The following KLHL1 variants were observed in gnomAD, a reference collection of about 807,000 sequenced individuals.
KLHL1 encodes the protein kelch like family member 1.
A neutral mutation model predicts 77.7 loss-of-function variants in KLHL1; 47 were observed. That is an observed-to-expected ratio of 0.60 (90% CI 0.48 to 0.77). The LOEUF is 0.77. Among genes scored for constraint, KLHL1 ranks in the 30% least tolerant of loss-of-function variants. KLHL1 has a pLI of 0.00. For missense variants in KLHL1, 925 were observed against 910.8 expected, an observed-to-expected ratio of 1.02 and a Z score of -0.20; for synonymous variants, 360 against 325.2, an observed-to-expected ratio of 1.11 and a Z score of -1.15.
intron 1 of KLHL1, among the ~76,000 whole-genome samples, chr13:70,007,403 C>G (rs1430180974): frequency 1.3e-5 from 2 of 151,480 alleles, no homozygotes; most frequent in African/African-American, 4.8e-5. Flanking sequence ...TTATTATGTG[C>G]CACTGCACTC....
chr13:70,047,178 T>C (rs1191530494), intron 1 of KLHL1, among the ~76,000 whole-genome samples: 1 of 151,776 alleles, frequency 6.6e-6, no homozygotes, highest in African/African-American at 2.4e-5. Flanking sequence ...TTGAATCTTT[T>C]CATAAAAACA....
chr13:70,010,827 G>A (rs1015269591), intron 1 of KLHL1, among the ~76,000 whole-genome samples: 11 of 151,796 alleles, frequency 7.2e-5, no homozygotes, highest in African/African-American at 2.4e-4. Context: ...AAGAGGCAGA[G>A]GTTGCAGTGA....
intron 1 of KLHL1, among the ~76,000 whole-genome samples, chr13:70,065,825 A>C (rs907371841): frequency 3.3e-5 from 5 of 152,084 alleles, no homozygotes; most frequent in African/African-American, 1.2e-4. Flanking sequence ...GGATTAGCAG[A>C]TGGTAGTCAG....
intron 8 of KLHL1, among the ~76,000 whole-genome samples, chr13:69,723,639 ACATACCT>A: frequency 6.6e-6 from 1 of 152,178 alleles, no homozygotes; most frequent in Non-Finnish European, 1.5e-5. Context: ...AGGAGGTTGG[ACATACCT>A]CATTAAACCC....
chr13:70,075,595 A>G (rs1887247346), intron 1 of KLHL1, among the ~76,000 whole-genome samples: 1 of 122,722 alleles, frequency 8.1e-6, no homozygotes, highest in African/African-American at 3.0e-5. Context: ...ATATACACAC[A>G]CACACATATA....
intron 1 of KLHL1, among the ~76,000 whole-genome samples, chr13:70,013,838 C>T (rs904667760): frequency 6.6e-6 from 1 of 152,192 alleles, no homozygotes; most frequent in East Asian, 1.9e-4. Flanking sequence ...TGAGCTTTTA[C>T]ATGTAGTAAA....
chr13:69,794,589 G>C (rs2138034407), intron 7 of KLHL1, among the ~76,000 whole-genome samples: 1 of 151,654 alleles, frequency 6.6e-6, no homozygotes, highest in East Asian at 1.9e-4. Flanking sequence ...GGGGGAAGGA[G>C]AGAGAAGGAA....
intron 4 of KLHL1, among the ~76,000 whole-genome samples, chr13:69,908,007 G>A (rs1882097582): frequency 6.6e-6 from 1 of 151,986 alleles, no homozygotes; most frequent in African/African-American, 2.4e-5. Flanking sequence ...AATTTCAGGA[G>A]GTGGGATGAA....
rs956785247 is a variant in KLHL1 at position 69,835,704 on chromosome 13, A to G, written c.1414+3272T>C. Among the ~76,000 whole-genome samples the G allele has an allele frequency of 6.4e-4, 98 of 152,240 alleles. 1 individual carries two copies. Among genetic ancestry groups the G allele is most frequent in the Non-Finnish European group, 6.3e-4 (43 of 68,012 alleles). On this transcript the variant is annotated intron_variant, in intron 6 of 10. Coordinates refer to ENST00000377844, the MANE Select transcript of KLHL1 (RefSeq NM_020866.3). ...ATATTACCTGACACAGAAGGAATCA[A>G]ACTTCTGTTGTCAGAAACAACAAAC...
intron 6 of KLHL1, among the ~76,000 whole-genome samples, chr13:69,814,976 A>G (rs1158148464): frequency 6.6e-6 from 1 of 152,134 alleles, no homozygotes; most frequent in Admixed American, 6.6e-5. Context: ...GCACCACTGC[A>G]CTCCAGCCTG....
At chr13:69,774,852 A>G (rs1426829027) in intron 7 of KLHL1, among the ~76,000 whole-genome samples, 3 of 152,192 alleles carry the variant, frequency 2.0e-5, no homozygotes, top group Non-Finnish European at 2.9e-5. Context: ...TAAAGCTGCT[A>G]CTGAATTCTA....
At chr13:69,822,741 T>C (rs993963562) in intron 6 of KLHL1, among the ~76,000 whole-genome samples, 1 of 152,176 alleles carries the variant, frequency 6.6e-6, no homozygotes, top group Non-Finnish European at 1.5e-5. Context: ...GAAAAAATGA[T>C]GTGTATAATT....
chr13:70,002,332 C>A (rs548572698), intron 1 of KLHL1, among the ~76,000 whole-genome samples: 1 of 151,304 alleles, frequency 6.6e-6, no homozygotes, highest in Admixed American at 6.6e-5. Context: ...TAATTAGAAT[C>A]TTAATGTATG....
At position 69,940,197 on chromosome 13, in the gene KLHL1, A is replaced by G; in HGVS notation, c.857T>C (p.Leu286Pro). ...AAGCTGAAGAAGGCACGCTGCAGCA[A>G]GAAGGTTCTCAATGGTGTCCTCTTT... ...ELKEDTIENL[L>P]AAACLLQLPQ... The change falls in exon 4 of 11, where the codon CTT becomes CCT. Residue 286 changes from leucine (L) to proline (P), a missense_variant. Leu to Pro is a moderately conservative substitution (Grantham distance 98). Coordinates refer to ENST00000377844, the MANE Select transcript of KLHL1 (RefSeq NM_020866.3). 1 of 1,612,416 alleles carries G rather than the reference A, an allele frequency of 6.2e-7. No individual in the cohort carries two copies. The highest frequency in any genetic ancestry group is 8.5e-7 in the Non-Finnish European group (1 of 1,179,460).
At chr13:69,831,972 G>A (rs114797136) in intron 6 of KLHL1, among the ~76,000 whole-genome samples, 6,578 of 149,820 alleles carry the variant, frequency 0.044, 947 homozygotes, top group African/African-American at 0.15. Flanking sequence ...GCCATCTATG[G>A]CAGACCCACA....
chr13:69,737,849 AT>A (rs1269369318), intron 8 of KLHL1, among the ~76,000 whole-genome samples: 1 of 151,752 alleles, frequency 6.6e-6, no homozygotes. Context: ...GACGAGGGGG[AT>A]TTTCCCCAGC....
chr13:69,947,472 C>T (rs1212211319), intron 3 of KLHL1, among the ~76,000 whole-genome samples: 2 of 151,740 alleles, frequency 1.3e-5, no homozygotes, highest in Non-Finnish European at 2.9e-5. Context: ...CATATTTATT[C>T]AGTCTAAATT....
chr13:70,050,717 T>C (rs924591472), intron 1 of KLHL1, among the ~76,000 whole-genome samples: 5 of 152,040 alleles, frequency 3.3e-5, no homozygotes, highest in Non-Finnish European at 5.9e-5. Context: ...ATGATCAAAA[T>C]ATAAGTGTTA....
chr13:69,707,800 A>G lies in KLHL1; in HGVS notation c.2016-4T>C. The G allele has an allele frequency of 2.5e-6, 4 of 1,611,464 alleles. No individual in the cohort carries two copies. The highest frequency in any genetic ancestry group is 3.4e-6 in the Non-Finnish European group (4 of 1,178,366). On this transcript the variant is annotated splice_region_variant and splice_polypyrimidine_tract_variant and intron_variant, in intron 9 of 10. Transcript: ENST00000377844. The stretch of plus-strand genomic sequence containing the variant: ...AGTGTCTGTTTTGGGATCATATCTA[A>G]AATTCAATGACAATAGTACATAACA...
Sources: allele counts gnomAD v4.1 joint callset (sites outside exome capture counted in the v4.1 genomes callset), GRCh38; gene constraint gnomAD v4.1.1; transcripts MANE v1.5; gene names NCBI Gene and HGNC (gene_info 2026-07-23, HGNC 2026-07-21).